Variants in ANGPTL2 observed in about 807,000 individuals in gnomAD.
ANGPTL2 encodes the protein angiopoietin-related protein 2.
In ANGPTL2, 25 loss-of-function variants were observed where a neutral mutation model predicts 52.8. The ratio of observed to expected loss-of-function variants is 0.47; its 90% CI spans 0.35 to 0.66. The LOEUF (loss-of-function observed/expected upper bound fraction) is 0.66. Among genes scored for constraint, ANGPTL2 ranks in the 30% least tolerant of loss-of-function variants. The probability of loss-of-function intolerance (pLI) is 0.01; values close to 1 mark genes in which losing one functional copy is unlikely to be tolerated. For synonymous variants in ANGPTL2, 276 were observed against 277.4 expected, an observed-to-expected ratio of 1.00 and a Z score of 0.05; for missense variants, 546 against 656.9, an observed-to-expected ratio of 0.83 and a Z score of 1.84.
chr9:127,094,678 C>T (rs1456689771), intron 2 of ANGPTL2, among the ~76,000 whole-genome samples: 1 of 152,244 alleles, frequency 6.6e-6, no homozygotes, highest in Non-Finnish European at 1.5e-5. Flanking sequence ...CCAAAGGAAG[C>T]TCAGTGAGGG....
intron 2 of ANGPTL2, among the ~76,000 whole-genome samples, chr9:127,095,798 T>C (rs1201500494): frequency 2.0e-5 from 3 of 152,240 alleles, no homozygotes; most frequent in Admixed American, 6.5e-5. Flanking sequence ...CAGAAAGATT[T>C]AGGTTTCTGG....
At chr9:127,092,841 G>A (rs2052644867) in intron 3 of ANGPTL2, among the ~76,000 whole-genome samples, 1 of 152,076 alleles carries the variant, frequency 6.6e-6, no homozygotes, top group Non-Finnish European at 1.5e-5. Context: ...GAGGTGGGGT[G>A]GGGGACAACC....
chr9:127,121,868 C>T (rs1420147185), intron 1 of ANGPTL2, among the ~76,000 whole-genome samples: 1 of 152,296 alleles, frequency 6.6e-6, no homozygotes, highest in East Asian at 1.9e-4. Context: ...TTGCCTTTGC[C>T]TCACATTGTC....
intron 2 of ANGPTL2, among the ~76,000 whole-genome samples, chr9:127,106,637 T>A (rs1051951500): frequency 2.6e-5 from 4 of 152,206 alleles, no homozygotes; most frequent in African/African-American, 7.2e-5. Context: ...CCAAAGCGCC[T>A]GCTCTCAATC....
At chr9:127,096,366 T>C (rs898970848) in intron 2 of ANGPTL2, among the ~76,000 whole-genome samples, 2 of 152,170 alleles carry the variant, frequency 1.3e-5, no homozygotes, top group African/African-American at 4.8e-5. Flanking sequence ...GGCCGTTCGA[T>C]GTGAATGCTG....
At chr9:127,118,627 A>G (rs930253209) in intron 1 of ANGPTL2, among the ~76,000 whole-genome samples, 2 of 152,130 alleles carry the variant, frequency 1.3e-5, no homozygotes, top group African/African-American at 4.8e-5. Flanking sequence ...CGGGGACAGC[A>G]CCACCCACCT....
intron 4 of ANGPTL2, among the ~76,000 whole-genome samples, chr9:127,090,845 G>A (rs896085283): frequency 5.9e-5 from 9 of 152,214 alleles, no homozygotes; most frequent in African/African-American, 2.2e-4. Context: ...CTGGGTGTTG[G>A]CCCTGGGGAG....
chr9:127,093,584 G>A lies in ANGPTL2; in HGVS notation c.1011+149C>T, dbSNP rs111808825. The A allele has an allele frequency of 2.4e-4, 226 of 939,598 alleles. 3 individuals are homozygous for A. The African/African-American group carries it at 2.6e-3, about 11-fold the overall frequency. 58.2% of individuals were successfully genotyped at this position (939,598 alleles called of 1,614,324 possible). On this transcript the variant is annotated intron_variant, in intron 3 of 4. Coordinates refer to ENST00000373425, the MANE Select transcript of ANGPTL2 (RefSeq NM_012098.3). ...AAATGGCCCTGTCTGCATCCTTCTC[G>A]CCTCAGGTATATGTGTTGTTGGGGC...
Position 127,091,604 on chromosome 9 carries a change from G to GGGGCTC in ANGPTL2, c.1282+60_1282+65dup, listed in dbSNP as rs2052483199. ...TTCCCGTTTCCAAGCCCTGGAGTCA[G>GGGGCTC]GGGCTCTGGCTCTGGTTGACCTCTT... On this transcript the variant is annotated intron_variant, in intron 4 of 4. Transcript: ENST00000373425. This position sits in a 1 kb window ranked among gnomAD's most constrained non-coding sequence, Gnocchi z 4.3. 1 of 1,559,280 alleles carries GGGGCTC rather than the reference G, an allele frequency of 6.4e-7. No individual in the cohort carries two copies. Among genetic ancestry groups the GGGGCTC allele is most frequent in the East Asian group, 2.3e-5 (1 of 44,368 alleles).
At chr9:127,101,037 G>A (rs1035711904) in intron 2 of ANGPTL2, among the ~76,000 whole-genome samples, 3 of 152,106 alleles carry the variant, frequency 2.0e-5, no homozygotes, top group Non-Finnish European at 2.9e-5. Context: ...TATCACTGGT[G>A]GTGGTTCTGA....
intron 4 of ANGPTL2, among the ~76,000 whole-genome samples, chr9:127,089,645 G>A (rs938415748): frequency 6.6e-6 from 1 of 152,300 alleles, no homozygotes; most frequent in East Asian, 1.9e-4. Flanking sequence ...AAGAAGAAAT[G>A]CTCCTCCAGT....
chr9:127,099,859 G>T (rs749003031), intron 2 of ANGPTL2, among the ~76,000 whole-genome samples: 1 of 152,232 alleles, frequency 6.6e-6, no homozygotes, highest in African/African-American at 2.4e-5. Context: ...AAATGCTTGT[G>T]CCTGCTTTCA....
intron 1 of ANGPTL2, among the ~76,000 whole-genome samples, chr9:127,117,861 C>T (rs1374584557): frequency 6.6e-6 from 1 of 152,202 alleles, no homozygotes; most frequent in Non-Finnish European, 1.5e-5. Context: ...GGCAGGTCCT[C>T]AGGCATCTCT....
At position 127,091,785 on chromosome 9, in the gene ANGPTL2, C is replaced by G. The variant is rs2136423671; in HGVS notation, c.1167G>C (p.Glu389Asp). Residue 389 changes from glutamate (E) to aspartate (D), a missense_variant, in exon 4 of 5, where the codon GAG becomes GAC. This residue lies in a region of ANGPTL2 where 261 missense variants were observed against 361.0 expected (regional missense o/e 0.72). Coordinates refer to ENST00000373425, the MANE Select transcript of ANGPTL2 (RefSeq NM_012098.3). This position sits in a 1 kb window ranked among gnomAD's most constrained non-coding sequence, Gnocchi z 4.3. ...CCAGCCGCAGCTTATAATACTCGCTCTCAGGTTCCAGGCGGAAACTGGCGT... is the reference window on the plus strand; with the variant it reads ...CCAGCCGCAGCTTATAATACTCGCTGTCAGGTTCCAGGCGGAAACTGGCGT... Reference protein sequence around the residue: ...AEYASFRLEPESEYYKLRLGR... With the variant: ...AEYASFRLEPDSEYYKLRLGR... 1 of 1,614,192 alleles carries G rather than the reference C, an allele frequency of 6.2e-7. No homozygotes were observed. Among genetic ancestry groups the G allele is most frequent in the Non-Finnish European group, 8.5e-7 (1 of 1,180,040 alleles).
In ANGPTL2 at chr9:127,088,584, G is replaced by A. The variant is rs2052051975; in HGVS notation, c.*355C>T. 3.4e-6 allele frequency: 1 copy of A among 297,636 alleles called. No homozygotes were observed. Among genetic ancestry groups the A allele is most frequent in the Admixed American group, 4.7e-5 (1 of 21,070 alleles). 18.4% of individuals were successfully genotyped at this position (297,636 alleles called of 1,614,324 possible). On this transcript the variant is annotated 3_prime_UTR_variant, in exon 5 of 5. Coordinates refer to ENST00000373425, the MANE Select transcript of ANGPTL2 (RefSeq NM_012098.3). ...GATGTATATCTAAATGCATATATAT[G>A]TGGTATACACATACGTGCACAAGGG...
chr9:127,121,843 G>A (rs987613808), intron 1 of ANGPTL2, among the ~76,000 whole-genome samples: 15 of 152,156 alleles, frequency 9.9e-5, no homozygotes, highest in African/African-American at 3.4e-4. Flanking sequence ...GGCTCCCAGC[G>A]CCTCAGCACA....
chr9:127,100,192 T>C (rs1267860831), intron 2 of ANGPTL2, among the ~76,000 whole-genome samples: 2 of 152,182 alleles, frequency 1.3e-5, no homozygotes, highest in Non-Finnish European at 2.9e-5. Flanking sequence ...ATTAATTGAG[T>C]TACTCTTAGC....
At chr9:127,105,166 C>T (rs1480610758) in intron 2 of ANGPTL2, among the ~76,000 whole-genome samples, 1 of 152,156 alleles carries the variant, frequency 6.6e-6, no homozygotes, top group African/African-American at 2.4e-5. Context: ...AGATGGGTCA[C>T]AAGAAATCTA....
rs1288048120 is a variant in ANGPTL2 at position 127,108,669 on chromosome 9, T to C, written c.63A>G (p.Ala21=). The C allele has an allele frequency of 6.2e-7, 1 of 1,613,504 alleles. No individual in the cohort carries two copies. Among genetic ancestry groups the C allele is most frequent in the African/African-American group, 1.3e-5 (1 of 74,860 alleles). Residue 21 remains alanine, a synonymous_variant, in exon 2 of 5, where the codon GCA becomes GCG. Coordinates refer to ENST00000373425, the MANE Select transcript of ANGPTL2 (RefSeq NM_012098.3). ...LGLLAAMGAV[A]GQEDGFEGTE... ...TGCCCTCAAAACCGTCCTCCTGGCC[T>C]GCAACAGCTCCCATGGCAGCCAGCA...
Sources: allele counts gnomAD v4.1 joint callset (sites outside exome capture counted in the v4.1 genomes callset), GRCh38; gene constraint gnomAD v4.1.1; regional missense constraint gnomAD v4.1.1; non-coding constraint Gnocchi (gnomAD v3.1); transcripts MANE v1.5; gene names NCBI Gene and HGNC (gene_info 2026-07-23, HGNC 2026-07-21).